CCDC91: variants seen among roughly 807,000 people sequenced by gnomAD.
The protein encoded by CCDC91 is coiled-coil domain-containing protein 91.
A neutral mutation model predicts 63.2 loss-of-function variants in CCDC91; 48 were observed. The ratio of observed to expected loss-of-function variants is 0.76; its 90% CI spans 0.60 to 0.97. The LOEUF is 0.97. Ranked by LOEUF, CCDC91 falls within the 50% of genes least tolerant of loss-of-function variation. The pLI is 0.00. For synonymous variants in CCDC91, 167 were observed against 165.8 expected (o/e 1.01, Z -0.06); for missense variants, 500 against 494.6 (o/e 1.01, Z -0.10).
At chr12:28,295,770 A>T (rs1005901544) in intron 3 of CCDC91, among the ~76,000 whole-genome samples, 1 of 152,114 alleles carries the variant, frequency 6.6e-6, no homozygotes, top group Non-Finnish European at 1.5e-5. Flanking sequence ...CCAGAGACTC[A>T]GGAACCAAAA....
chr12:28,211,957 C>T (rs766476896), intron 1 of CCDC91, among the ~76,000 whole-genome samples: 1 of 152,142 alleles, frequency 6.6e-6, no homozygotes, highest in Non-Finnish European at 1.5e-5. Flanking sequence ...TGGATCAAAT[C>T]CATTCCTGGA....
At chr12:28,404,927 T>G (rs1592571604) in intron 8 of CCDC91, among the ~76,000 whole-genome samples, 1 of 152,094 alleles carries the variant, frequency 6.6e-6, no homozygotes, top group South Asian at 2.1e-4. Flanking sequence ...GGGTCTTGTT[T>G]TTTGCTCTAT....
At chr12:28,483,038 GTA>G (rs1462341375) in intron 11 of CCDC91, among the ~76,000 whole-genome samples, 1 of 151,864 alleles carries the variant, frequency 6.6e-6, no homozygotes, top group African/African-American at 2.4e-5. Flanking sequence ...GTATATCCAA[GTA>G]TATATATGTG....
rs189685348 is a variant in CCDC91, at chr12:28,487,595, A to G, written c.1215+3430A>G. 2.8e-4 allele frequency among the ~76,000 whole-genome samples: 43 copies of G among 151,400 alleles called. No homozygotes were observed. In the East Asian group the frequency reaches 6.2e-3, roughly 22 times the overall value. ...TTCTTCCTTTGGAAGATGGATTTCT[A>G]TTTACATCAGAGAACACATTTCCAG... is the stretch of plus-strand genomic sequence containing the variant. On this transcript the variant is annotated intron_variant, in intron 12 of 12. Transcript: ENST00000536442.
chr12:28,319,934 A>C (rs553907587), intron 6 of CCDC91, among the ~76,000 whole-genome samples: 1 of 151,856 alleles, frequency 6.6e-6, no homozygotes, highest in Non-Finnish European at 1.5e-5. Context: ...AGGGCTGACT[A>C]TATTCACTTG....
chr12:28,525,035 T>C (rs575200379), intron 12 of CCDC91, among the ~76,000 whole-genome samples: 1 of 152,290 alleles, frequency 6.6e-6, no homozygotes, highest in East Asian at 1.9e-4. Context: ...TATTTATCGT[T>C]TCAAAGAACC....
intron 3 of CCDC91, among the ~76,000 whole-genome samples, chr12:28,268,195 C>T (rs1360303019): frequency 6.6e-6 from 1 of 151,288 alleles, no homozygotes; most frequent in East Asian, 1.9e-4. Context: ...TCCTGAGTAG[C>T]TGGGATTACA....
chr12:28,390,698 T>C (rs1490899243), intron 7 of CCDC91, among the ~76,000 whole-genome samples: 2 of 152,074 alleles, frequency 1.3e-5, no homozygotes, highest in Non-Finnish European at 2.9e-5. Flanking sequence ...TTATGCGTAC[T>C]GCCTTGAGAC....
At chr12:28,256,119 C>G (rs938191610) in intron 1 of CCDC91, 163 of 152,038 alleles carry the variant, frequency 1.1e-3, no homozygotes, top group African/African-American at 3.6e-3. Flanking sequence ...TAAAACATTG[C>G]TTTTTAAATT....
At chr12:28,382,421 T>G (rs1449153736) in intron 7 of CCDC91, among the ~76,000 whole-genome samples, 1 of 151,936 alleles carries the variant, frequency 6.6e-6, no homozygotes, top group Non-Finnish European at 1.5e-5. Flanking sequence ...AATTTAACTC[T>G]CAAACAACAA....
At chr12:28,258,235 C>A (rs1469040187) in intron 2 of CCDC91, among the ~76,000 whole-genome samples, 1 of 151,702 alleles carries the variant, frequency 6.6e-6, no homozygotes, top group Non-Finnish European at 1.5e-5. Flanking sequence ...GTGATTGAAT[C>A]TTATTTATGT....
rs181169853 is a variant in CCDC91 at position 28,381,295 on chromosome 12, C to G, written c.655-10009C>G. On this transcript the variant is annotated intron_variant, in intron 7 of 12. Coordinates refer to ENST00000536442, the MANE Select transcript of CCDC91 (RefSeq NM_018318.5). ...TTTTAATCCCTACCTTCTAGGTAAT[C>G]AACTTTGGGAAACCTGATTTATGAG... Among the ~76,000 whole-genome samples the G allele has an allele frequency of 7.2e-5, 11 of 152,046 alleles. No homozygotes were observed. In the East Asian group the frequency reaches 1.5e-3, roughly 21 times the overall value.
At chr12:28,419,929 G>A (rs1389170899) in intron 8 of CCDC91, among the ~76,000 whole-genome samples, 1 of 151,668 alleles carries the variant, frequency 6.6e-6, no homozygotes, top group African/African-American at 2.4e-5. Flanking sequence ...GCTAATTTTT[G>A]TGTTTTTTGT....
At chr12:28,368,909 A>G (rs144030832) in intron 7 of CCDC91, among the ~76,000 whole-genome samples, 6 of 152,188 alleles carry the variant, frequency 3.9e-5, no homozygotes, top group Non-Finnish European at 5.9e-5. Context: ...ACTGACTACC[A>G]TAAGAACAGC....
intron 6 of CCDC91, among the ~76,000 whole-genome samples, chr12:28,344,099 T>C (rs1942633985): frequency 6.6e-6 from 1 of 151,984 alleles, no homozygotes. Context: ...GGAAAAAAAA[T>C]AGTGCAGTGT....
intron 1 of CCDC91, among the ~76,000 whole-genome samples, chr12:28,195,586 C>T (rs1024174717): frequency 2.0e-5 from 3 of 152,228 alleles, no homozygotes; most frequent in Admixed American, 6.5e-5. Flanking sequence ...ATTATGGTAG[C>T]GTTATAGTGT....
At chr12:28,425,351 T>C (rs890214174) in intron 8 of CCDC91, among the ~76,000 whole-genome samples, 1 of 152,086 alleles carries the variant, frequency 6.6e-6, no homozygotes, top group African/African-American at 2.4e-5. Flanking sequence ...GAGACACTTT[T>C]CCCCCTTCTC....
intron 3 of CCDC91, among the ~76,000 whole-genome samples, chr12:28,291,922 A>G (rs1949275895): frequency 2.6e-5 from 4 of 152,164 alleles, no homozygotes; most frequent in African/African-American, 9.7e-5. Flanking sequence ...ATGGCCAGCC[A>G]CTGTGATCTT....
intron 12 of CCDC91, among the ~76,000 whole-genome samples, chr12:28,529,682 G>A (rs939977067): frequency 4.6e-5 from 7 of 152,126 alleles, no homozygotes; most frequent in African/African-American, 9.7e-5. Flanking sequence ...AGTGAGACAC[G>A]ATAGGATATA....
Sources: gnomAD v4.1 joint callset for allele counts (sites outside exome capture counted in the v4.1 genomes callset) on GRCh38, gnomAD v4.1.1 for gene constraint, MANE v1.5 for transcripts, NCBI Gene and HGNC (gene_info 2026-07-23, HGNC 2026-07-21) for gene names.